CPNE4: variants seen among roughly 807,000 people sequenced by gnomAD.
CPNE4 encodes the protein copine 4.
CPNE4 carries 25 observed loss-of-function variants against 67.9 expected under a neutral mutation model. That is an observed-to-expected ratio of 0.37 (90% CI 0.27 to 0.51). The LOEUF (loss-of-function observed/expected upper bound fraction) is 0.51. Ranked by LOEUF, CPNE4 falls within the 20% of genes least tolerant of loss-of-function variation. The pLI, the probability that CPNE4 is intolerant of heterozygous loss-of-function variation, is 0.93. For missense variants in CPNE4, 464 were observed against 690.8 expected (o/e 0.67, Z 3.68); for synonymous variants, 242 against 244.9 (o/e 0.99, Z 0.11).
chr3:131,914,547 C>T (rs2089111055), intron 1 of CPNE4, among the ~76,000 whole-genome samples: 2 of 152,202 alleles, frequency 1.3e-5, no homozygotes, highest in Admixed American at 1.3e-4. Flanking sequence ...ATTACACACC[C>T]TGCTCAGGGC....
At chr3:131,575,879 C>A (rs1937536588) in intron 9 of CPNE4, among the ~76,000 whole-genome samples, 6 of 151,178 alleles carry the variant, frequency 4.0e-5, no homozygotes, top group Admixed American at 3.9e-4. Context: ...ATGCCAACTG[C>A]CATCATGTGT....
intron 7 of CPNE4, among the ~76,000 whole-genome samples, chr3:131,657,050 T>G (rs901309652): frequency 6.6e-6 from 1 of 152,208 alleles, no homozygotes; most frequent in African/African-American, 2.4e-5. Flanking sequence ...TTAATCATTA[T>G]TTAACAGGCC....
At chr3:131,700,053 C>CCTT (rs1553755241) in intron 3 of CPNE4, 73 bp from the exon 4 acceptor site, 2 of 344,704 alleles carry the variant, frequency 5.8e-6, no homozygotes, top group African/African-American at 8.3e-5. Context: ...ATTTTTTAAA[C>CCTT]CTTTTTTTTT....
chr3:132,002,575 T>A (rs1195064957), intron 1 of CPNE4, among the ~76,000 whole-genome samples: 3 of 152,160 alleles, frequency 2.0e-5, no homozygotes, highest in Non-Finnish European at 2.9e-5. Context: ...TTGACACTTG[T>A]CCTCAGGAAG....
intron 2 of CPNE4, among the ~76,000 whole-genome samples, chr3:131,865,936 T>C (rs533623622): frequency 3.3e-5 from 5 of 150,206 alleles, no homozygotes; most frequent in South Asian, 2.1e-4. Context: ...AAATAGACCT[T>C]TGGCATTGTC....
chr3:131,885,363 G>T (rs2369230), intron 2 of CPNE4, among the ~76,000 whole-genome samples: 43,313 of 150,030 alleles, frequency 0.29, 7,317 homozygotes, highest in Non-Finnish European at 0.37. Context: ...TGAATATTAA[G>T]ATTTATTTTA....
chr3:131,809,571 C>T (rs1301093321), intron 2 of CPNE4, among the ~76,000 whole-genome samples: 1 of 151,990 alleles, frequency 6.6e-6, no homozygotes, highest in East Asian at 1.9e-4. Context: ...AATATGAAGG[C>T]TCAAACACAA....
intron 3 of CPNE4, among the ~76,000 whole-genome samples, chr3:131,707,751 C>T (rs538597031): frequency 6.6e-6 from 1 of 152,260 alleles, no homozygotes; most frequent in South Asian, 2.1e-4. Flanking sequence ...CCTCAATGAA[C>T]TTACCATTGA....
At chr3:131,716,874 C>T (rs933380104) in intron 3 of CPNE4, among the ~76,000 whole-genome samples, 2 of 152,220 alleles carry the variant, frequency 1.3e-5, no homozygotes, top group African/African-American at 4.8e-5. Context: ...GACCCCAGAC[C>T]ATCAGACCCC....
chr3:131,868,609 T>C (rs916149213), intron 2 of CPNE4, among the ~76,000 whole-genome samples: 5 of 152,234 alleles, frequency 3.3e-5, no homozygotes, highest in African/African-American at 1.2e-4. Flanking sequence ...GACACAATTA[T>C]AGAAATTATT....
intron 7 of CPNE4, among the ~76,000 whole-genome samples, chr3:131,631,518 T>C (rs1456414434): frequency 1.3e-5 from 2 of 152,214 alleles, no homozygotes. Flanking sequence ...AGAAATTACT[T>C]TGTGACTCTG....
chr3:131,671,508 G>A (rs1392959478), intron 6 of CPNE4, among the ~76,000 whole-genome samples: 3 of 151,596 alleles, frequency 2.0e-5, no homozygotes, highest in Non-Finnish European at 4.4e-5. Context: ...CTACCCACAA[G>A]TGAGCAGTTT....
intron 8 of CPNE4, among the ~76,000 whole-genome samples, chr3:131,586,783 A>G (rs981776468): frequency 1.3e-5 from 2 of 151,676 alleles, no homozygotes; most frequent in Non-Finnish European, 2.9e-5. Flanking sequence ...TAGATATTAT[A>G]TGATATGAAA....
intron 3 of CPNE4, among the ~76,000 whole-genome samples, chr3:131,711,752 G>A (rs575430477): frequency 6.6e-6 from 1 of 152,124 alleles, no homozygotes; most frequent in Non-Finnish European, 1.5e-5. Context: ...ACTTTATTAG[G>A]TTAATTTAAA....
intron 2 of CPNE4, among the ~76,000 whole-genome samples, chr3:131,835,528 C>CAA (rs375236742): frequency 6.3e-5 from 9 of 142,502 alleles, no homozygotes; most frequent in African/African-American, 2.3e-4. Flanking sequence ...GACTCCATCT[C>CAA]AAAAAAAAAA....
intron 2 of CPNE4, among the ~76,000 whole-genome samples, chr3:131,897,068 G>T (rs2088367043): frequency 6.6e-6 from 1 of 152,068 alleles, no homozygotes; most frequent in African/African-American, 2.4e-5. Flanking sequence ...TTTAGATGAG[G>T]ACATTGATGA....
chr3:131,797,767 C>T (rs1288197774), intron 2 of CPNE4, among the ~76,000 whole-genome samples: 5 of 152,154 alleles, frequency 3.3e-5, no homozygotes, highest in East Asian at 1.9e-4. Flanking sequence ...CACATCGATG[C>T]CTTTTACATC....
At chr3:131,702,185 A>G (rs2081317486) in intron 3 of CPNE4, among the ~76,000 whole-genome samples, 1 of 152,196 alleles carries the variant, frequency 6.6e-6, no homozygotes, top group Non-Finnish European at 1.5e-5. Flanking sequence ...GACCATGATC[A>G]TGATCATGTT....
intron 2 of CPNE4, among the ~76,000 whole-genome samples, chr3:131,833,154 T>C (rs1226656215): frequency 6.6e-6 from 1 of 152,174 alleles, no homozygotes; most frequent in African/African-American, 2.4e-5. Flanking sequence ...ACCTTGACCT[T>C]AGATTTTCCA....
Sources: gnomAD v4.1 joint callset for allele counts (sites outside exome capture counted in the v4.1 genomes callset) on GRCh38, gnomAD v4.1.1 for gene constraint, MANE v1.5 for transcripts, NCBI Gene and HGNC (gene_info 2026-07-23, HGNC 2026-07-21) for gene names.